Variants in SLC7A8 observed in about 807,000 individuals in gnomAD.
SLC7A8 encodes solute carrier family 7 member 8.
In SLC7A8, 30 loss-of-function variants were observed where a neutral mutation model predicts 51.2. That is an observed-to-expected ratio of 0.59 (90% CI 0.44 to 0.80). SLC7A8 has a LOEUF of 0.80. Ranked by LOEUF, SLC7A8 falls within the 30% of genes least tolerant of loss-of-function variation. The pLI is 0.00. For missense variants in SLC7A8, 612 were observed against 674.4 expected (o/e 0.91, Z 1.03); for synonymous variants, 257 against 275.8 (o/e 0.93, Z 0.67).
Position 23,126,026 on chromosome 14 carries a change from G to C in SLC7A8, c.*1151C>G, listed in dbSNP as rs1353828601. The C allele has an allele frequency of 1.3e-5, 2 of 152,910 alleles. No individual in the cohort carries two copies. The highest frequency in any genetic ancestry group is 4.8e-5 in the African/African-American group (2 of 41,466). 9.5% of individuals were successfully genotyped at this position (152,910 alleles called of 1,614,324 possible). ...TTGGGGATGGATGGGAAAGGAACTG[G>C]GCTTCAGCCAATGCTCTCCTCAGTC... is the stretch of plus-strand genomic sequence containing the variant. On this transcript the variant is annotated 3_prime_UTR_variant, in exon 11 of 11. Coordinates refer to ENST00000316902, the MANE Select transcript of SLC7A8 (RefSeq NM_012244.4).
At position 23,139,551 on chromosome 14, in the gene SLC7A8, T is replaced by A; in HGVS notation, c.789-4A>T. On this transcript the variant is annotated splice_polypyrimidine_tract_variant and splice_region_variant and intron_variant, in intron 5 of 10. Coordinates refer to ENST00000316902, the MANE Select transcript of SLC7A8 (RefSeq NM_012244.4). ...GAAGATGGCTCTGGGAAGGTTCCTG[T>A]AGAGGGAGAGGAGGTGAGGGGAAGG... The A allele has an allele frequency of 6.2e-7, 1 of 1,612,240 alleles. No homozygotes were observed. Among genetic ancestry groups the A allele is most frequent in the South Asian group, 1.1e-5 (1 of 90,938 alleles).
chr14:23,153,050 AG>A (rs762320907), intron 3 of SLC7A8, among the ~76,000 whole-genome samples: 1 of 152,198 alleles, frequency 6.6e-6, no homozygotes, highest in Non-Finnish European at 1.5e-5. Context: ...CTACCACCCA[AG>A]GCTTGTGTCC....
chr14:23,143,530 AT>A (rs1346132353), intron 3 of SLC7A8, among the ~76,000 whole-genome samples: 1 of 152,200 alleles, frequency 6.6e-6, no homozygotes, highest in African/African-American at 2.4e-5. Context: ...TCTTCAAGTT[AT>A]TATTTGTGCA....
chr14:23,145,544 AAAT>A lies in SLC7A8; in HGVS notation c.509-2343_509-2341del, dbSNP rs202099659. Among the ~76,000 whole-genome samples the A allele has an allele frequency of 2.8e-3, 418 of 149,142 alleles. 15 individuals carry two copies. The highest frequency in any genetic ancestry group is 0.017 in the Middle Eastern group (5 of 292). On this transcript the variant is annotated intron_variant, in intron 3 of 10. Transcript: ENST00000316902. ...CACATCTCAAAAAAAAAAGAAAAAA[AAAT>A]TTTTTTTTTTTTAAGACACCAAGGG...
intron 3 of SLC7A8, chr14:23,154,542 C>A: frequency 1.1e-6 from 1 of 948,914 alleles, no homozygotes; most frequent in Non-Finnish European, 1.3e-6. Context: ...GTGGAAAAGC[C>A]GCTTCGGCTT....
chr14:23,135,263 T>A (rs2140306874), intron 7 of SLC7A8, among the ~76,000 whole-genome samples: 1 of 151,340 alleles, frequency 6.6e-6, no homozygotes, highest in African/African-American at 2.4e-5. Flanking sequence ...AATTTTTGTA[T>A]TTTTTTTAGT....
At position 23,128,479 on chromosome 14, in the gene SLC7A8, A is replaced by G. The variant is rs1426022199; in HGVS notation, c.1264-283T>C. 2.1e-6 allele frequency: 2 copies of G among 949,580 alleles called. No individual in the cohort carries two copies. Among genetic ancestry groups the G allele is most frequent in the African/African-American group, 3.3e-5 (2 of 61,208 alleles). The allele number at this position is 949,580 out of a possible 1,614,324, so 58.8% of individuals were successfully genotyped here. A position where few individuals can be genotyped will look rare whatever the true frequency, so the allele number is the denominator to read the frequency against. ...CCTCGCTCTTGGGTGTGGTTAGACA[A>G]GGCCTCATCATGCATGCCATGTGCC... On this transcript the variant is annotated intron_variant, in intron 9 of 10. Coordinates refer to ENST00000316902, the MANE Select transcript of SLC7A8 (RefSeq NM_012244.4). The surrounding 1 kb of genome is among the most constrained non-coding windows in gnomAD (Gnocchi z 4.3).
chr14:23,127,099 G>A lies in SLC7A8; in HGVS notation c.*78C>T, dbSNP rs150188809. 5.3e-5 allele frequency: 82 copies of A among 1,540,228 alleles called. 1 individual carries two copies. The East Asian group carries it at 9.7e-4, about 18-fold the overall frequency. On this transcript the variant is annotated 3_prime_UTR_variant, in exon 11 of 11. Transcript: ENST00000316902. ...CAGAGAGAGGGGTGTGTGTGTACTC[G>A]CATGTGTTGGCAGGACCAAGGCAGG...
chr14:23,135,651 A>G (rs1422630730), intron 7 of SLC7A8, among the ~76,000 whole-genome samples: 4 of 151,944 alleles, frequency 2.6e-5, no homozygotes, highest in Non-Finnish European at 5.9e-5. Flanking sequence ...GCAGTGAGCC[A>G]AGATTGCGCC....
intron 8 of SLC7A8, chr14:23,130,005 G>A (rs2048617745): frequency 5.3e-6 from 3 of 569,954 alleles, no homozygotes; most frequent in Non-Finnish European, 9.1e-6. Flanking sequence ...CAGGGGTGAT[G>A]ATCAAAATAT....
intron 1 of SLC7A8, among the ~76,000 whole-genome samples, chr14:23,173,908 TG>T (rs1197025611): frequency 2.6e-5 from 4 of 152,348 alleles, no homozygotes; most frequent in Non-Finnish European, 5.9e-5. Flanking sequence ...CCCAAAGTGC[TG>T]GAATTACAAG....
intron 1 of SLC7A8, among the ~76,000 whole-genome samples, chr14:23,171,862 G>C (rs1369487577): frequency 6.6e-6 from 1 of 152,190 alleles, no homozygotes; most frequent in African/African-American, 2.4e-5. Context: ...CAGCTCCTCA[G>C]GGGTGGTAGC....
At chr14:23,149,890 A>G (rs1177941781) in intron 3 of SLC7A8, among the ~76,000 whole-genome samples, 3 of 152,218 alleles carry the variant, frequency 2.0e-5, no homozygotes, top group Admixed American at 6.5e-5. Flanking sequence ...TGCTCAGTAC[A>G]GTAACATGCT....
chr14:23,138,091 TCACTCTG>T, intron 6 of SLC7A8, 67 bp from the exon 7 acceptor site: 1 of 1,575,676 alleles, frequency 6.3e-7, no homozygotes, highest in Non-Finnish European at 8.7e-7. Flanking sequence ...AGCTCCCACT[TCACTCTG>T]GGAAACCGTT....
intron 7 of SLC7A8, 33 bp downstream of exon 7, chr14:23,137,888 C>T: frequency 6.2e-7 from 1 of 1,609,168 alleles, no homozygotes; most frequent in Non-Finnish European, 8.5e-7. Flanking sequence ...GCAGAGTGGC[C>T]CCTGGCCGGG....
At chr14:23,156,773 G>A (rs10150355) in intron 3 of SLC7A8, among the ~76,000 whole-genome samples, 15,105 of 152,174 alleles carry the variant, frequency 0.099, 1,790 homozygotes, top group African/African-American at 0.28. Context: ...CTCATTCACT[G>A]TTCTTCCAAT....
chr14:23,183,070 G>A lies in SLC7A8; in HGVS notation c.-156C>T. The A allele has an allele frequency of 6.5e-6, 3 of 463,346 alleles. No individual in the cohort carries two copies. The highest frequency in any genetic ancestry group is 6.2e-4 in the Middle Eastern group (1 of 1,622). The allele number at this position is 463,346 out of a possible 1,614,324, so 28.7% of individuals were successfully genotyped here. On this transcript the variant is annotated 5_prime_UTR_variant, in exon 1 of 11. Coordinates refer to ENST00000316902, the MANE Select transcript of SLC7A8 (RefSeq NM_012244.4). ...AAGGCAAGCAGATAAAAGAGAACAC[G>A]AAAAATATTCCTACTCCGCATTCAC...
At chr14:23,160,630 C>A (rs1190685885) in intron 3 of SLC7A8, among the ~76,000 whole-genome samples, 1 of 151,156 alleles carries the variant, frequency 6.6e-6, no homozygotes, top group African/African-American at 2.4e-5. Flanking sequence ...TAGGTCCATG[C>A]AGCCAGAGTT....
At chr14:23,171,028 C>T (rs1468599361) in intron 1 of SLC7A8, among the ~76,000 whole-genome samples, 1 of 152,140 alleles carries the variant, frequency 6.6e-6, no homozygotes, top group Admixed American at 6.5e-5. Context: ...CCTGCCCGGC[C>T]AACACACGTT....
Sources: gnomAD v4.1 joint callset for allele counts (sites outside exome capture counted in the v4.1 genomes callset) on GRCh38, gnomAD v4.1.1 for gene constraint, Gnocchi (gnomAD v3.1) non-coding constraint, MANE v1.5 for transcripts, NCBI Gene and HGNC (gene_info 2026-07-23, HGNC 2026-07-21) for gene names.